WASHC5: variants seen among roughly 807,000 people sequenced by gnomAD.
WASHC5 encodes the protein WASH complex subunit strumpellin.
A neutral mutation model predicts 150.4 loss-of-function variants in WASHC5; 101 were observed. The observed-to-expected ratio is 0.67, with a 90% CI of 0.57 to 0.79. The LOEUF is 0.79. WASHC5 is among the 30% of genes least tolerant of loss of function. The pLI, the probability that WASHC5 is intolerant of heterozygous loss-of-function variation, is 0.00. For synonymous variants in WASHC5, 467 were observed against 491.2 expected (o/e 0.95, Z 0.65); for missense variants, 1,195 against 1,396.3 (o/e 0.86, Z 2.30).
rs187666862 is a variant in WASHC5, at chr8:125,038,689, G to C, written c.3084+141C>G. On this transcript the variant is annotated intron_variant, in intron 25 of 28. Transcript: ENST00000318410. ...GCGGGGAAAGTGTGATGATTGCTTA[G>C]AAAGGGCAGGGAACTGAATGGAATG... is the stretch of plus-strand genomic sequence containing the variant. 7.9e-5 allele frequency: 77 copies of C among 974,726 alleles called. 1 individual carries two copies. In the East Asian group the frequency reaches 1.7e-3, roughly 22 times the overall value. 60.4% of individuals were successfully genotyped at this position (974,726 alleles called of 1,614,324 possible).
intron 16 of WASHC5, 118 bp downstream of exon 16, chr8:125,056,559 G>A: frequency 8.6e-7 from 1 of 1,165,588 alleles, no homozygotes; most frequent in Admixed American, 1.7e-5. Context: ...GCAAATGTGA[G>A]ACAACAAGTC....
chr8:125,048,860 T>C, intron 19 of WASHC5, 146 bp downstream of exon 19: 2 of 663,768 alleles, frequency 3.0e-6, no homozygotes, highest in East Asian at 2.7e-5. Flanking sequence ...TCCACTTTTC[T>C]GCAACCCTCC....
chr8:125,050,715 T>A (rs1228729961), intron 17 of WASHC5, 50 bp from the exon 18 acceptor site: 6 of 1,406,062 alleles, frequency 4.3e-6, no homozygotes, highest in Non-Finnish European at 6.0e-6. Flanking sequence ...AATTCAGTCC[T>A]AACGAAATCC....
intron 1 of WASHC5, among the ~76,000 whole-genome samples, chr8:125,087,138 G>A (rs1406894224): frequency 7.2e-5 from 11 of 152,188 alleles, no homozygotes; most frequent in Non-Finnish European, 1.0e-4. Context: ...AGGACTAACA[G>A]TACAAGTTGT....
intron 1 of WASHC5, among the ~76,000 whole-genome samples, chr8:125,088,868 G>A (rs1187347550): frequency 1.3e-5 from 2 of 152,058 alleles, no homozygotes; most frequent in African/African-American, 4.8e-5. Context: ...CCCAAGCAGA[G>A]GTTACAAGTA....
intron 23 of WASHC5, among the ~76,000 whole-genome samples, chr8:125,040,229 A>T (rs1309270695): frequency 6.6e-6 from 1 of 152,194 alleles, no homozygotes; most frequent in East Asian, 1.9e-4. Flanking sequence ...CTTTTGGAAT[A>T]AGTGCTCCAA....
chr8:125,047,303 G>T lies in WASHC5; in HGVS notation c.2408C>A (p.Ser803Tyr). ...AAACTTGGGTATTGGAATATGAGTG[G>T]ACTGGTACATGCTTTGCCAATCTTG... is the stretch of plus-strand genomic sequence containing the variant. ...KIQDWQSMYQ[S>Y]THIPIPKFTP... Residue 803 changes from serine to tyrosine, a missense_variant, in exon 20 of 29, where the codon TCC (serine) becomes TAC (tyrosine). Physicochemically the swap from Ser to Tyr is moderately radical, Grantham distance 144. Around this residue, in one of 3 missense-constraint regions of WASHC5, gnomAD observed 997 missense variants for 1,168.1 expected, o/e 0.85. Coordinates refer to ENST00000318410, the MANE Select transcript of WASHC5 (RefSeq NM_014846.4). 1 of 1,613,756 alleles carries T rather than the reference G, an allele frequency of 6.2e-7. No homozygotes were observed. The highest frequency in any genetic ancestry group is 1.1e-5 in the South Asian group (1 of 91,064).
intron 26 of WASHC5, among the ~76,000 whole-genome samples, chr8:125,033,167 C>A (rs1055164852): frequency 1.3e-5 from 2 of 152,130 alleles, no homozygotes; most frequent in Admixed American, 1.3e-4. Context: ...CCAGAAGAAA[C>A]ACAATGTTGA....
chr8:125,085,207 T>A lies in WASHC5; in HGVS notation c.-124-1185A>T, dbSNP rs565653566. ...GTCTTTACAATAAAGAAATAAGAAG[T>A]GTAACATACATTTAATTGTCAGTAT... On this transcript the variant is annotated intron_variant, in intron 1 of 28. Transcript: ENST00000318410. Among the ~76,000 whole-genome samples, 4 of 152,256 alleles carry A rather than the reference T, an allele frequency of 2.6e-5. No individual in the cohort carries two copies. In the East Asian group the frequency reaches 5.8e-4, roughly 22 times the overall value.
intron 28 of WASHC5, among the ~76,000 whole-genome samples, chr8:125,025,257 A>ATT (rs112329327): frequency 6.6e-6 from 1 of 151,904 alleles, no homozygotes; most frequent in African/African-American, 2.4e-5. Context: ...GCAGTGTTTA[A>ATT]TTTTTTTTCT....
intron 1 of WASHC5, 141 bp downstream of exon 1, chr8:125,091,474 G>C (rs1817640079): frequency 6.6e-6 from 1 of 152,304 alleles, no homozygotes; most frequent in Non-Finnish European, 1.5e-5. Flanking sequence ...CCCCGCCCCA[G>C]AAAGCCCCTA....
intron 18 of WASHC5, among the ~76,000 whole-genome samples, chr8:125,049,577 A>G (rs79818310): frequency 0.14 from 20,031 of 140,860 alleles, 3,257 homozygotes; most frequent in African/African-American, 0.42. Context: ...AAAATAAGCC[A>G]GGCTCATGCC....
chr8:125,057,060 A>C (rs1816429138), intron 15 of WASHC5, among the ~76,000 whole-genome samples: 1 of 152,228 alleles, frequency 6.6e-6, no homozygotes, highest in Non-Finnish European at 1.5e-5. Context: ...ACAGATTTTA[A>C]AAAGATCAAG....
Position 125,059,492 on chromosome 8 carries a change from A to T in WASHC5, c.1572T>A (p.Leu524=), listed in dbSNP as rs765558177. ...LESNLQVCQF[L]ADTRKFLHQM... Reference sequence around the variant, plus strand: ...GATGAAGAAACTTTCGAGTATCGGCAAGAAACTGACATACTTGCAGATTGG... The same window carrying T: ...GATGAAGAAACTTTCGAGTATCGGCTAGAAACTGACATACTTGCAGATTGG... The change falls in exon 13 of 29, where the codon CTT becomes CTA. Residue 524 remains leucine (L), a synonymous_variant. Transcript: ENST00000318410. The T allele has an allele frequency of 6.2e-7, 1 of 1,613,826 alleles. No homozygotes were observed. The highest frequency in any genetic ancestry group is 8.5e-7 in the Non-Finnish European group (1 of 1,179,934).
At chr8:125,042,709 C>T (rs890245834) in intron 23 of WASHC5, among the ~76,000 whole-genome samples, 6 of 152,128 alleles carry the variant, frequency 3.9e-5, no homozygotes, top group African/African-American at 1.4e-4. Context: ...TTTATTCCTC[C>T]TAAAGGGTTT....
intron 10 of WASHC5, among the ~76,000 whole-genome samples, chr8:125,064,384 TA>T (rs1431394286): frequency 8.3e-4 from 86 of 103,106 alleles, no homozygotes; most frequent in African/African-American, 6.6e-3. Context: ...CTTATTTATT[TA>T]TTTTTTTTTT....
At position 125,074,465 on chromosome 8, in the gene WASHC5, C is replaced by T. The variant is rs563280522; in HGVS notation, c.978+533G>A. ...TGCTCCCCAAGATTTTATCTTTATT[C>T]CTCTACTTACTTGGATGTTCCCTTC... On this transcript the variant is annotated intron_variant, in intron 8 of 28. Transcript: ENST00000318410. Among the ~76,000 whole-genome samples the T allele has an allele frequency of 3.9e-5, 6 of 152,224 alleles. No homozygotes were observed. The South Asian group carries it at 1.2e-3, about 32-fold the overall frequency.
intron 20 of WASHC5, among the ~76,000 whole-genome samples, chr8:125,045,988 A>C (rs1816055527): frequency 6.6e-6 from 1 of 152,240 alleles, no homozygotes; most frequent in Admixed American, 6.5e-5. Flanking sequence ...ATGAGTCAAA[A>C]TTCCTTATTT....
intron 11 of WASHC5, among the ~76,000 whole-genome samples, chr8:125,063,112 C>T (rs929920305): frequency 5.3e-5 from 8 of 151,964 alleles, no homozygotes; most frequent in South Asian, 2.1e-4. Context: ...TCTTGGGTGA[C>T]GTATTCTTCT....
Sources: allele counts gnomAD v4.1 joint callset (sites outside exome capture counted in the v4.1 genomes callset), GRCh38; gene constraint gnomAD v4.1.1; regional missense constraint gnomAD v4.1.1; transcripts MANE v1.5; gene names NCBI Gene and HGNC (gene_info 2026-07-23, HGNC 2026-07-21).